The following KCND3 variants were observed in gnomAD, a reference collection of about 807,000 sequenced individuals.
The protein encoded by KCND3 is potassium voltage-gated channel subfamily D member 3.
KCND3 carries 9 observed loss-of-function variants against 51.1 expected under a neutral mutation model. The observed-to-expected ratio is 0.18, with a 90% CI of 0.11 to 0.31. The LOEUF (loss-of-function observed/expected upper bound fraction) is 0.31, where lower values mean the gene tolerates loss of function less well. Ranked by LOEUF, KCND3 falls within the 10% of genes least tolerant of loss-of-function variation. The pLI is 1.00. For missense variants in KCND3, 526 were observed against 903.8 expected, an observed-to-expected ratio of 0.58 and a Z score of 5.36; for synonymous variants, 349 against 368.0, an observed-to-expected ratio of 0.95 and a Z score of 0.59.
chr1:111,968,705 C>A (rs1674155552), intron 2 of KCND3, among the ~76,000 whole-genome samples: 1 of 152,176 alleles, frequency 6.6e-6, no homozygotes, highest in South Asian at 2.1e-4. Context: ...GACGGGGGAA[C>A]CTGTGCTCTG....
At chr1:111,896,815 G>A (rs776112867) in intron 2 of KCND3, among the ~76,000 whole-genome samples, 2 of 152,190 alleles carry the variant, frequency 1.3e-5, no homozygotes. Flanking sequence ...CTTCACTTAT[G>A]AGCTGTGGAA....
chr1:111,902,467 G>C (rs1670432145), intron 2 of KCND3, among the ~76,000 whole-genome samples: 1 of 152,192 alleles, frequency 6.6e-6, no homozygotes. Context: ...CAGGTCCTGG[G>C]TAGGACACAG....
intron 2 of KCND3, among the ~76,000 whole-genome samples, chr1:111,789,252 G>T (rs1353109801): frequency 6.6e-6 from 1 of 152,232 alleles, no homozygotes; most frequent in Non-Finnish European, 1.5e-5. Context: ...CTCCTGCTGG[G>T]GCAGATGGTC....
chr1:111,956,849 C>T (rs1458858135), intron 2 of KCND3, among the ~76,000 whole-genome samples: 4 of 152,194 alleles, frequency 2.6e-5, no homozygotes, highest in African/African-American at 9.7e-5. Context: ...TGGACACCTC[C>T]TTATTATACC....
chr1:111,820,554 A>G (rs1666296093), intron 2 of KCND3, among the ~76,000 whole-genome samples: 1 of 152,208 alleles, frequency 6.6e-6, no homozygotes. Flanking sequence ...CTCAGAGGTT[A>G]AAAAGCCCAA....
chr1:111,809,090 A>C (rs1665712539), intron 2 of KCND3, among the ~76,000 whole-genome samples: 1 of 152,158 alleles, frequency 6.6e-6, no homozygotes, highest in Non-Finnish European at 1.5e-5. Context: ...AGAAGAGAGA[A>C]GCTTTGGAAG....
At chr1:111,786,695 G>A (rs899020364) in intron 3 of KCND3, among the ~76,000 whole-genome samples, 2 of 152,098 alleles carry the variant, frequency 1.3e-5, no homozygotes, top group East Asian at 1.9e-4. Context: ...CAGGAGCCAA[G>A]GAAATTGCCA....
At chr1:111,796,052 CTTGT>C (rs1331941952) in intron 2 of KCND3, among the ~76,000 whole-genome samples, 4 of 152,088 alleles carry the variant, frequency 2.6e-5, no homozygotes, top group Non-Finnish European at 4.4e-5. Flanking sequence ...TGCTTGTTGA[CTTGT>C]TTAAGTTCCT....
At chr1:111,968,766 T>C (rs547757966) in intron 2 of KCND3, among the ~76,000 whole-genome samples, 13 of 152,316 alleles carry the variant, frequency 8.5e-5, no homozygotes, top group Non-Finnish European at 1.6e-4. Flanking sequence ...ATGTGGGAAC[T>C]GGCTTCCAGC....
At chr1:111,807,424 T>C (rs1665621151) in intron 2 of KCND3, among the ~76,000 whole-genome samples, 1 of 152,264 alleles carries the variant, frequency 6.6e-6, no homozygotes, top group Non-Finnish European at 1.5e-5. Context: ...ACGCCTGTAA[T>C]CCCAGCACTT....
rs72548724 is a variant in KCND3 at position 111,981,541 on chromosome 1, G to A, written c.1106+80C>T. 12,264 of 1,599,046 alleles carry A rather than the reference G, an allele frequency of 7.7e-3. 73 individuals carry two copies. The highest frequency in any genetic ancestry group is 9.5e-3 in the Non-Finnish European group (11,117 of 1,167,350). Reference sequence around the variant, plus strand: ...GGGACTCCCTCCTCCTCTACCCATGGTGACACCATCCAAGGTTTCAGAGGT... The same window carrying A: ...GGGACTCCCTCCTCCTCTACCCATGATGACACCATCCAAGGTTTCAGAGGT... On this transcript the variant is annotated intron_variant, in intron 2 of 7. Transcript: ENST00000302127. This position sits in a 1 kb window ranked among gnomAD's most constrained non-coding sequence, Gnocchi z 6.2.
At chr1:111,815,565 C>CTGTT (rs1283437310) in intron 2 of KCND3, among the ~76,000 whole-genome samples, 1 of 150,350 alleles carries the variant, frequency 6.7e-6, no homozygotes, top group African/African-American at 2.5e-5. Context: ...AGCAAGACTC[C>CTGTT]TGTTAGGTTG....
intron 2 of KCND3, among the ~76,000 whole-genome samples, chr1:111,893,261 G>C (rs1669933674): frequency 6.6e-6 from 1 of 152,254 alleles, no homozygotes; most frequent in South Asian, 2.1e-4. Flanking sequence ...TGGCTGGGCA[G>C]ACAGCTGAGA....
intron 2 of KCND3, among the ~76,000 whole-genome samples, chr1:111,813,840 T>TCAAAGGCATTCAGTGATTTGCCCAAGG (rs1665966646): frequency 6.6e-6 from 1 of 152,222 alleles, no homozygotes; most frequent in Non-Finnish European, 1.5e-5. Flanking sequence ...AAACTGAGCT[T>TCAAAGGCATTCAGTGATTTGCCCAAGG]CAAAGGCATT....
In KCND3 at chr1:111,787,067, G is replaced by T. The variant is rs185723423; in HGVS notation, c.1146C>A (p.Ile382=). ...CACTCAAGGAGCAGATGGAGCCGAA[G>T]ATCTTCCCTGCAATCGTCTTAGGCA... ...DMVPKTIAGK[I]FGSICSLSGV... Residue 382 remains isoleucine (I), a synonymous_variant, in exon 3 of 8, where the codon ATC becomes ATA. Transcript: ENST00000302127. 2 of 1,614,208 alleles carry T rather than the reference G, an allele frequency of 1.2e-6. No individual in the cohort carries two copies. The highest frequency in any genetic ancestry group is 2.7e-5 in the African/African-American group (2 of 75,046).
chr1:111,789,238 A>G (rs74945141), intron 2 of KCND3, among the ~76,000 whole-genome samples: 262 of 152,388 alleles, frequency 1.7e-3, no homozygotes, highest in Middle Eastern at 6.8e-3. Context: ...AAGGGAAGCC[A>G]TGCCTCCTGC....
intron 1 of KCND3, among the ~76,000 whole-genome samples, chr1:111,985,878 G>A (rs12136400): frequency 0.02 from 3,030 of 152,296 alleles, 40 homozygotes; most frequent in South Asian, 0.037. Flanking sequence ...ACTGCTCAGA[G>A]AACAGAAAAA....
chr1:111,802,440 A>G (rs1460020917), intron 2 of KCND3, among the ~76,000 whole-genome samples: 1 of 152,218 alleles, frequency 6.6e-6, no homozygotes, highest in African/African-American at 2.4e-5. Context: ...TGGAGTCAGA[A>G]GTCCCTGGCC....
intron 2 of KCND3, among the ~76,000 whole-genome samples, chr1:111,919,295 G>T (rs1393028663): frequency 6.6e-6 from 1 of 151,646 alleles, no homozygotes; most frequent in South Asian, 2.1e-4. Flanking sequence ...GTAAGAGAGG[G>T]TAATGGGACC....
Sources: allele counts gnomAD v4.1 joint callset (sites outside exome capture counted in the v4.1 genomes callset), GRCh38; gene constraint gnomAD v4.1.1; non-coding constraint Gnocchi (gnomAD v3.1); transcripts MANE v1.5; gene names NCBI Gene and HGNC (gene_info 2026-07-23, HGNC 2026-07-21).